Variants in KIF16B observed in about 807,000 individuals in gnomAD.
KIF16B encodes the protein kinesin family member 16B.
In KIF16B, 98 loss-of-function variants were observed where a neutral mutation model predicts 156.3. The ratio of observed to expected loss-of-function variants is 0.63; its 90% CI spans 0.53 to 0.74. The LOEUF (loss-of-function observed/expected upper bound fraction) is 0.74. Ranked by LOEUF, KIF16B falls within the 30% of genes least tolerant of loss-of-function variation. The pLI, the probability that KIF16B is intolerant of heterozygous loss-of-function variation, is 0.00. For missense variants in KIF16B, 1,421 were observed against 1,606.5 expected (o/e 0.88, Z 1.97); for synonymous variants, 564 against 583.7 (o/e 0.97, Z 0.49).
intron 1 of KIF16B, among the ~76,000 whole-genome samples, chr20:16,536,412 C>T (rs189738682): frequency 4.1e-4 from 63 of 152,176 alleles, no homozygotes; most frequent in Admixed American, 1.6e-3. Context: ...GAAATAAGTT[C>T]TAATGCTTGT....
At chr20:16,401,775 G>C in intron 17 of KIF16B, among the ~76,000 whole-genome samples, 1 of 152,242 alleles carries the variant, frequency 6.6e-6, no homozygotes, top group Admixed American at 6.5e-5. Flanking sequence ...TTAATTCCTT[G>C]ATTCTACTTT....
At chr20:16,437,434 G>A (rs1349315970) in intron 12 of KIF16B, among the ~76,000 whole-genome samples, 1 of 152,172 alleles carries the variant, frequency 6.6e-6, no homozygotes, top group Admixed American at 6.5e-5. Flanking sequence ...AACAGAAATT[G>A]GTTGCTACTT....
At chr20:16,447,178 C>T (rs2066956441) in intron 12 of KIF16B, among the ~76,000 whole-genome samples, 1 of 152,054 alleles carries the variant, frequency 6.6e-6, no homozygotes, top group Non-Finnish European at 1.5e-5. Context: ...CCACGTAGAA[C>T]ATCTGCACTT....
rs376839089 is a variant in KIF16B at position 16,367,308 on chromosome 20, T to C, written c.3498+3278A>G. The C allele has an allele frequency of 2.0e-5, 33 of 1,612,798 alleles. No homozygotes were observed. In the Middle Eastern group the frequency reaches 1.5e-3, roughly 72 times the overall value. On this transcript the variant is annotated intron_variant, in intron 22 of 25. Coordinates refer to ENST00000354981, the MANE Select transcript of KIF16B (RefSeq NM_024704.5). ...CCTGAAGGTGCTCAGGTGGACTATTTCTGGAACCCACTGAAGGTTTGAGTT... is the reference window on the plus strand; with the variant it reads ...CCTGAAGGTGCTCAGGTGGACTATTCCTGGAACCCACTGAAGGTTTGAGTT...
At chr20:16,295,968 T>C (rs2063380639) in intron 25 of KIF16B, among the ~76,000 whole-genome samples, 1 of 152,218 alleles carries the variant, frequency 6.6e-6, no homozygotes, top group South Asian at 2.1e-4. Context: ...AGTACGGCTA[T>C]TCTTTTCCCC....
chr20:16,379,590 C>G lies in KIF16B; in HGVS notation c.2412G>C (p.Val804=). The G allele has an allele frequency of 1.9e-6, 3 of 1,614,154 alleles. No individual in the cohort carries two copies. Among genetic ancestry groups the G allele is most frequent in the Non-Finnish European group, 2.5e-6 (3 of 1,180,028 alleles). Residue 804 remains valine, a synonymous_variant, in exon 19 of 26, where the codon GTG becomes GTC. Coordinates refer to ENST00000354981, the MANE Select transcript of KIF16B (RefSeq NM_024704.5). ...CATCCCCTCCGGCACGAGCCTCCTT[C>G]ACCCGCAGGAGGGATTCCCGAATGC... is the stretch of plus-strand genomic sequence containing the variant. The part of the protein sequence containing the change: ...LEGIRESLLR[V]KEARAGGDED...
chr20:16,311,963 GT>G (rs2063625478), intron 25 of KIF16B, among the ~76,000 whole-genome samples: 1 of 152,180 alleles, frequency 6.6e-6, no homozygotes, highest in African/African-American at 2.4e-5. Flanking sequence ...CAACAATGAT[GT>G]AATACTATAA....
At chr20:16,323,291 AC>A (rs1343439427) in intron 24 of KIF16B, among the ~76,000 whole-genome samples, 5 of 151,948 alleles carry the variant, frequency 3.3e-5, no homozygotes, top group African/African-American at 1.2e-4. Flanking sequence ...TTGCAAGTAA[AC>A]CCACCTACAT....
rs757796858 is a variant in KIF16B, at chr20:16,404,319, G to A, written c.1784+494C>T. 2.0e-5 allele frequency among the ~76,000 whole-genome samples: 3 copies of A among 152,112 alleles called. No homozygotes were observed. In the South Asian group the frequency reaches 6.2e-4, roughly 32 times the overall value. ...ACATGAGTTAAGCTGACTGTCCAAG[G>A]TCACCCAGCCACTAAGTCAATTTAA... On this transcript the variant is annotated intron_variant, in intron 17 of 25. Coordinates refer to ENST00000354981, the MANE Select transcript of KIF16B (RefSeq NM_024704.5).
chr20:16,440,928 G>T (rs1010974672), intron 12 of KIF16B, among the ~76,000 whole-genome samples: 13 of 152,138 alleles, frequency 8.5e-5, no homozygotes, highest in African/African-American at 2.9e-4. Context: ...CGAGATGTCA[G>T]GATTTAAATT....
chr20:16,500,904 T>A (rs1263105714), intron 10 of KIF16B, among the ~76,000 whole-genome samples: 2 of 152,166 alleles, frequency 1.3e-5, no homozygotes, highest in Admixed American at 1.3e-4. Context: ...CTTCCCACCT[T>A]TGGTTGTGTT....
At chr20:16,335,872 A>G in intron 24 of KIF16B, 54 bp downstream of exon 24, 1 of 1,117,764 alleles carries the variant, frequency 8.9e-7, no homozygotes, top group Non-Finnish European at 1.3e-6. Flanking sequence ...CAATCAGCTC[A>G]TTTACTTTAT....
At chr20:16,449,658 T>C (rs757898480) in intron 12 of KIF16B, among the ~76,000 whole-genome samples, 19 of 152,204 alleles carry the variant, frequency 1.2e-4, no homozygotes, top group Non-Finnish European at 2.8e-4. Context: ...TCAATAGTTG[T>C]TGGAAATAAG....
At chr20:16,320,708 G>C (rs1245694592) in intron 24 of KIF16B, among the ~76,000 whole-genome samples, 1 of 152,144 alleles carries the variant, frequency 6.6e-6, no homozygotes, top group African/African-American at 2.4e-5. Flanking sequence ...AAAACATACT[G>C]AATGACCAAA....
chr20:16,390,739 T>C (rs1325694098), intron 17 of KIF16B, among the ~76,000 whole-genome samples: 1 of 152,162 alleles, frequency 6.6e-6, no homozygotes, highest in Non-Finnish European at 1.5e-5. Flanking sequence ...CCTCTTCCCA[T>C]TGGACAAACC....
intron 12 of KIF16B, among the ~76,000 whole-genome samples, chr20:16,488,813 A>C (rs1165243673): frequency 6.6e-6 from 1 of 152,196 alleles, no homozygotes; most frequent in African/African-American, 2.4e-5. Context: ...CAGGATGAAA[A>C]TCACACTGAG....
At chr20:16,278,149 G>C (rs1314505676) in intron 25 of KIF16B, among the ~76,000 whole-genome samples, 1 of 152,192 alleles carries the variant, frequency 6.6e-6, no homozygotes, top group African/African-American at 2.4e-5. Context: ...GTCTGACAGT[G>C]AGTGATCATG....
chr20:16,367,347 T>C (rs2064693465), intron 22 of KIF16B: 2 of 1,612,908 alleles, frequency 1.2e-6, no homozygotes, highest in Non-Finnish European at 1.7e-6. Context: ...GTAAGAAGAC[T>C]AGTTCTACTG....
intron 1 of KIF16B, among the ~76,000 whole-genome samples, chr20:16,536,642 T>A (rs2069977367): frequency 6.6e-6 from 1 of 152,180 alleles, no homozygotes; most frequent in Middle Eastern, 3.2e-3. Flanking sequence ...AAAACCAGCG[T>A]GATATCTATG....
Sources: gnomAD v4.1 joint callset for allele counts (sites outside exome capture counted in the v4.1 genomes callset) on GRCh38, gnomAD v4.1.1 for gene constraint, MANE v1.5 for transcripts, NCBI Gene and HGNC (gene_info 2026-07-23, HGNC 2026-07-21) for gene names.